The following RBFOX1 variants were observed in gnomAD, a reference collection of about 807,000 sequenced individuals.
RBFOX1 encodes the protein RNA binding fox-1 homolog 1.
RBFOX1 carries 8 observed loss-of-function variants against 57.7 expected under a neutral mutation model. The observed-to-expected ratio is 0.14, with a 90% CI of 0.08 to 0.25. The LOEUF is 0.25. Among genes scored for constraint, RBFOX1 ranks in the 10% least tolerant of loss-of-function variants. The probability of loss-of-function intolerance (pLI) is 1.00; values close to 1 mark genes in which losing one functional copy is unlikely to be tolerated. For missense variants in RBFOX1, 611 were observed against 548.5 expected, an observed-to-expected ratio of 1.11 and a Z score of -1.14; for synonymous variants, 326 against 222.4, an observed-to-expected ratio of 1.47 and a Z score of -4.15.
chr16:5,652,786 G>T (rs2049283025), intron 3 of RBFOX1, among the ~76,000 whole-genome samples: 1 of 152,160 alleles, frequency 6.6e-6, no homozygotes, highest in Admixed American at 6.5e-5. Flanking sequence ...GACCCTGGGT[G>T]GATTACAGAT....
intron 1 of RBFOX1, among the ~76,000 whole-genome samples, chr16:6,202,309 G>C (rs1236872159): frequency 2.6e-5 from 4 of 152,110 alleles, no homozygotes; most frequent in Non-Finnish European, 5.9e-5. Flanking sequence ...ACTTGTCTAG[G>C]AAGACCTGAT....
intron 3 of RBFOX1, among the ~76,000 whole-genome samples, chr16:7,008,604 A>G (rs952242401): frequency 6.8e-5 from 10 of 147,662 alleles, no homozygotes; most frequent in African/African-American, 2.5e-4. Flanking sequence ...TGATAGCTAT[A>G]AAAATGAAAT....
Position 5,823,194 on chromosome 16 carries a change from G to A in RBFOX1, c.319-44109G>A, listed in dbSNP as rs141832617. On this transcript the variant is annotated intron_variant, in intron 3 of 19. Transcript: ENST00000641259. ...ACATAGAGGGCAGTCGGATACTGAC[G>A]CAGTGAGTGGATGAACACCCATTCA... 9.4e-4 allele frequency among the ~76,000 whole-genome samples: 143 copies of A among 152,270 alleles called. 2 individuals carry two copies. Among genetic ancestry groups the A allele is most frequent in the Non-Finnish European group, 1.5e-3 (99 of 68,016 alleles).
intron 2 of RBFOX1, among the ~76,000 whole-genome samples, chr16:5,487,959 A>G (rs548411475): frequency 1.3e-5 from 2 of 152,090 alleles, no homozygotes; most frequent in South Asian, 2.1e-4. Context: ...GGTGGGGAGA[A>G]GATGATTATG....
At position 6,817,713 on chromosome 16, in the gene RBFOX1, A is replaced by C. The variant is rs181891033; in HGVS notation, c.-16+163063A>C. Among the ~76,000 whole-genome samples, 177 of 152,140 alleles carry C rather than the reference A, an allele frequency of 1.2e-3. 3 individuals carry two copies. The highest frequency in any genetic ancestry group is 2.9e-3 in the South Asian group (14 of 4,816). The stretch of plus-strand genomic sequence containing the variant: ...GCCAAACTCTGTCTCAAAGAAAAAA[A>C]AAACAAACAAAAAAAACTACCAACA... On this transcript the variant is annotated intron_variant, in intron 3 of 15. Coordinates refer to ENST00000550418, the MANE Select transcript of RBFOX1 (RefSeq NM_018723.4).
intron 3 of RBFOX1, among the ~76,000 whole-genome samples, chr16:6,989,447 C>T (rs1183255519): frequency 6.6e-6 from 1 of 152,064 alleles, no homozygotes; most frequent in Admixed American, 6.6e-5. Context: ...TTTTTCCCCA[C>T]ATATTGGTAC....
chr16:6,891,783 G>C (rs2065486016), intron 3 of RBFOX1, among the ~76,000 whole-genome samples: 1 of 152,124 alleles, frequency 6.6e-6, no homozygotes, highest in Non-Finnish European at 1.5e-5. Flanking sequence ...TCAAATTCCT[G>C]CTGCCCAAAA....
chr16:7,091,768 C>T (rs890223714), intron 4 of RBFOX1, among the ~76,000 whole-genome samples: 1 of 152,194 alleles, frequency 6.6e-6, no homozygotes, highest in Non-Finnish European at 1.5e-5. Flanking sequence ...AATGCTAAAG[C>T]TTTTTCTGAT....
At chr16:6,768,699 AT>A (rs2077780692) in intron 3 of RBFOX1, among the ~76,000 whole-genome samples, 2 of 149,864 alleles carry the variant, frequency 1.3e-5, no homozygotes, top group African/African-American at 4.9e-5. Flanking sequence ...ATGTACCTAT[AT>A]ATATATATGT....
chr16:6,221,272 A>G (rs900506448), intron 1 of RBFOX1, among the ~76,000 whole-genome samples: 7 of 152,144 alleles, frequency 4.6e-5, no homozygotes, highest in African/African-American at 1.7e-4. Context: ...TGGGTTTTAT[A>G]ATTACTTTAC....
At chr16:5,319,227 A>C (rs2064331304) in intron 1 of RBFOX1, among the ~76,000 whole-genome samples, 1 of 152,188 alleles carries the variant, frequency 6.6e-6, no homozygotes, top group Non-Finnish European at 1.5e-5. Flanking sequence ...TACTTGACCC[A>C]CTTGTGATGG....
Position 7,104,875 on chromosome 16 carries a change from C to G in RBFOX1, c.27+52777C>G, listed in dbSNP as rs568962578. On this transcript the variant is annotated intron_variant, in intron 4 of 15. Transcript: ENST00000550418. ...CACTGGTGTACAAAACAGAAAAGTC[C>G]AAGAGATGGATCTCAGGTACAGCCC... Among the ~76,000 whole-genome samples the G allele has an allele frequency of 2.9e-4, 44 of 152,158 alleles. 1 individual carries two copies. In the South Asian group the frequency reaches 9.1e-3, roughly 32 times the overall value.
chr16:5,812,070 C>T lies in RBFOX1; in HGVS notation c.319-55233C>T, dbSNP rs571530935. Reference sequence around the variant, plus strand: ...AGTCTTTTGCACCTGGCTCCTTTGGCTTACTGTAATGGTTTTCAGGTTCAC... The same window carrying T: ...AGTCTTTTGCACCTGGCTCCTTTGGTTTACTGTAATGGTTTTCAGGTTCAC... On this transcript the variant is annotated intron_variant, in intron 3 of 19. Coordinates refer to the RBFOX1 transcript ENST00000641259. 2.6e-5 allele frequency among the ~76,000 whole-genome samples: 4 copies of T among 152,292 alleles called. No homozygotes were observed. In the Middle Eastern group the frequency reaches 0.014, roughly 518 times the overall value.
chr16:6,605,715 G>T (rs2097916323), intron 2 of RBFOX1, among the ~76,000 whole-genome samples: 1 of 152,210 alleles, frequency 6.6e-6, no homozygotes, highest in African/African-American at 2.4e-5. Context: ...TGCTGTGTCA[G>T]CGAACAGGAG....
chr16:5,434,673 T>G (rs1206564647), intron 1 of RBFOX1, among the ~76,000 whole-genome samples: 1 of 152,168 alleles, frequency 6.6e-6, no homozygotes, highest in Non-Finnish European at 1.5e-5. Flanking sequence ...CCTTATTTCT[T>G]CGTTATCTGT....
intron 1 of RBFOX1, among the ~76,000 whole-genome samples, chr16:5,416,096 C>T (rs1206852493): frequency 3.3e-5 from 5 of 152,186 alleles, no homozygotes; most frequent in South Asian, 2.1e-4. Flanking sequence ...TGGGAAACGC[C>T]TGTACATCTC....
intron 4 of RBFOX1, among the ~76,000 whole-genome samples, chr16:7,246,633 C>CTTTTTTTTTTTTT (rs56654382): frequency 9.5e-6 from 1 of 105,502 alleles, no homozygotes; most frequent in African/African-American, 4.3e-5. Context: ...TGGTCACCTC[C>CTTTTTTTTTTTTT]TTTTTTTTTT....
chr16:5,538,469 C>T (rs978828401), intron 2 of RBFOX1, among the ~76,000 whole-genome samples: 1 of 152,124 alleles, frequency 6.6e-6, no homozygotes, highest in African/African-American at 2.4e-5. Flanking sequence ...AGGAGGATTA[C>T]ATGTTTCAAG....
intron 3 of RBFOX1, among the ~76,000 whole-genome samples, chr16:6,742,107 C>G (rs1046312182): frequency 6.6e-6 from 1 of 152,062 alleles, no homozygotes; most frequent in African/African-American, 2.4e-5. Flanking sequence ...TAAATATATA[C>G]AGTTATTATT....
Sources: allele counts gnomAD v4.1 joint callset (sites outside exome capture counted in the v4.1 genomes callset), GRCh38; gene constraint gnomAD v4.1.1; transcripts MANE v1.5; gene names NCBI Gene and HGNC (gene_info 2026-07-23, HGNC 2026-07-21).